TET2: variants seen among roughly 807,000 people sequenced by gnomAD.
TET2 encodes methylcytosine dioxygenase TET2.
TET2 carries 299 observed loss-of-function variants against 142.9 expected under a neutral mutation model. The ratio of observed to expected loss-of-function variants is 2.09; its 90% CI spans 1.90 to 2.30. TET2 has a LOEUF of 2.30. TET2 is among the 30% of genes most tolerant of loss of function. The probability of loss-of-function intolerance (pLI) is 0.00; values close to 1 mark genes in which losing one functional copy is unlikely to be tolerated. For synonymous variants in TET2, 819 were observed against 849.0 expected (o/e 0.96, Z 0.61); for missense variants, 2,418 against 2,378.0 (o/e 1.02, Z -0.35).
intron 1 of TET2, among the ~76,000 whole-genome samples, chr4:105,169,923 TCC>T (rs1481416746): frequency 0.057 from 8,737 of 152,122 alleles, 682 homozygotes; most frequent in African/African-American, 0.17. Flanking sequence ...TGGTTCTCTA[TCC>T]CCCCATTGGT....
chr4:105,212,677 T>C lies in TET2; in HGVS notation c.-46-21220T>C, dbSNP rs187922164. Among the ~76,000 whole-genome samples the C allele has an allele frequency of 1.5e-3, 230 of 152,282 alleles. 1 individual carries two copies. Among genetic ancestry groups the C allele is most frequent in the African/African-American group, 5.4e-3 (223 of 41,560 alleles). ...GATATTAGTCTCTTTTAATTTTCTATTTTTTTCATGATTAAAAAATATTAA... is the reference window on the plus strand; with the variant it reads ...GATATTAGTCTCTTTTAATTTTCTACTTTTTTCATGATTAAAAAATATTAA... On this transcript the variant is annotated intron_variant, in intron 2 of 10. Coordinates refer to ENST00000380013, the MANE Select transcript of TET2 (RefSeq NM_001127208.3).
rs1731169042 is a variant in TET2, at chr4:105,275,527, C to T, written c.5017C>T (p.Pro1673Ser). 1 of 1,551,702 alleles carries T rather than the reference C, an allele frequency of 6.4e-7. No individual in the cohort carries two copies. Among genetic ancestry groups the T allele is most frequent in the Non-Finnish European group, 8.7e-7 (1 of 1,146,984 alleles). ...AGACCCTCTGTCTAAGCTCAGTCTA[C>T]CACCCATCCATACACTTTACCAGCC... Reference protein sequence around the residue: ...SQDPLSKLSLPPIHTLYQPRF... With the variant: ...SQDPLSKLSLSPIHTLYQPRF... Residue 1673 changes from proline (P) to serine (S), a missense_variant, in exon 11 of 11, where the codon CCA (proline) becomes TCA (serine). By Grantham distance (74) the Pro-to-Ser change is moderately conservative. Coordinates refer to ENST00000380013, the MANE Select transcript of TET2 (RefSeq NM_001127208.3).
Position 105,276,223 on chromosome 4 carries a change from A to T in TET2, c.5713A>T (p.Lys1905Ter). 6.4e-7 allele frequency: 1 copy of T among 1,551,660 alleles called. No individual in the cohort carries two copies. Among genetic ancestry groups the T allele is most frequent in the Non-Finnish European group, 8.7e-7 (1 of 1,146,972 alleles). ...TRISLVFYQH[K>*]SMNEPKHGLA... Reference sequence around the variant, plus strand: ...GATCTCCCTCGTCTTTTACCAGCATAAGAGCATGAATGAGCCAAAACATGG... The same window carrying T: ...GATCTCCCTCGTCTTTTACCAGCATTAGAGCATGAATGAGCCAAAACATGG... The change falls in exon 11 of 11, where the codon AAG becomes TAG. Residue 1905 changes from lysine to a stop codon, truncating the protein, a stop_gained. Coordinates refer to ENST00000380013, the MANE Select transcript of TET2 (RefSeq NM_001127208.3). LOFTEE classifies it high-confidence loss of function.
At chr4:105,238,033 TTACAATAA>T (rs2110240312) in intron 3 of TET2, 1 of 625,540 alleles carries the variant, frequency 1.6e-6, no homozygotes, top group East Asian at 6.8e-5. Flanking sequence ...AAAATGAATA[TTACAATAA>T]AGCAAGTTGT....
At chr4:105,184,668 A>G (rs1183120247) in intron 1 of TET2, among the ~76,000 whole-genome samples, 1 of 152,164 alleles carries the variant, frequency 6.6e-6, no homozygotes, top group Non-Finnish European at 1.5e-5. Context: ...GACATTCTGA[A>G]ATAGCACTTC....
intron 2 of TET2, among the ~76,000 whole-genome samples, chr4:105,191,649 T>G (rs564352113): frequency 6.6e-6 from 1 of 152,264 alleles, no homozygotes; most frequent in East Asian, 1.9e-4. Flanking sequence ...CCTGAGGATA[T>G]AAGTATCCAC....
chr4:105,216,243 G>A (rs1007644088), intron 2 of TET2, among the ~76,000 whole-genome samples: 17 of 152,108 alleles, frequency 1.1e-4, no homozygotes, highest in African/African-American at 4.1e-4. Flanking sequence ...CAAAAGGAAT[G>A]TTTTATACAT....
chr4:105,236,488 C>CATGT lies in TET2; in HGVS notation c.2547_2548insTGTA (p.His850CysfsTer4). On this transcript the variant is annotated frameshift_variant, in exon 3 of 11. Coordinates refer to ENST00000380013, the MANE Select transcript of TET2 (RefSeq NM_001127208.3). LOFTEE classifies it high-confidence loss of function. Reference sequence around the variant, plus strand: ...GTTTCAGAGAATAAAGAACAGACTACACATCCTGAACTTTTTGCAGGAAAC... The same window carrying CATGT: ...GTTTCAGAGAATAAAGAACAGACTACATGTACATCCTGAACTTTTTGCAGGAAAC... The CATGT allele has an allele frequency of 6.2e-7, 1 of 1,614,130 alleles. No individual in the cohort carries two copies. Among genetic ancestry groups the CATGT allele is most frequent in the Non-Finnish European group, 8.5e-7 (1 of 1,180,004 alleles).
intron 1 of TET2, among the ~76,000 whole-genome samples, chr4:105,182,113 C>G (rs1034518391): frequency 1.3e-5 from 2 of 152,174 alleles, no homozygotes; most frequent in Non-Finnish European, 2.9e-5. Flanking sequence ...TTAATAGTTA[C>G]ATTTTTTTCC....
intron 1 of TET2, among the ~76,000 whole-genome samples, chr4:105,163,792 G>A (rs1428318562): frequency 3.4e-5 from 5 of 144,978 alleles, no homozygotes; most frequent in African/African-American, 1.3e-4. Flanking sequence ...CTGGTGTTTG[G>A]AGCTCGAAAG....
In TET2 at chr4:105,259,507, GTTAGA is replaced by G. The variant is rs1578716152; in HGVS notation, c.3804-106_3804-102del. 3.5e-5 allele frequency: 36 copies of G among 1,042,696 alleles called. No homozygotes were observed. In the Middle Eastern group the frequency reaches 1.1e-3, roughly 31 times the overall value. The allele number at this position is 1,042,696 out of a possible 1,614,324, so 64.6% of individuals were successfully genotyped here. ...TGGTTATGCCACAGCTTAATACAGA[GTTAGA>G]TTAGACTTCTTTTCAAACTCATTTT... is the stretch of plus-strand genomic sequence containing the variant. On this transcript the variant is annotated intron_variant, in intron 6 of 10. Coordinates refer to ENST00000380013, the MANE Select transcript of TET2 (RefSeq NM_001127208.3).
At chr4:105,224,907 C>G (rs1728091355) in intron 2 of TET2, among the ~76,000 whole-genome samples, 1 of 151,380 alleles carries the variant, frequency 6.6e-6, no homozygotes, top group Admixed American at 6.6e-5. Context: ...CCTTGGAAGC[C>G]CATGCATTAC....
intron 1 of TET2, among the ~76,000 whole-genome samples, chr4:105,153,905 C>T (rs891437453): frequency 6.6e-6 from 1 of 152,054 alleles, no homozygotes; most frequent in Non-Finnish European, 1.5e-5. Context: ...TGGAAACAAC[C>T]CAGATGTCTA....
chr4:105,184,853 G>A (rs1211536196), intron 1 of TET2, among the ~76,000 whole-genome samples: 12 of 152,076 alleles, frequency 7.9e-5, no homozygotes, highest in Non-Finnish European at 1.5e-4. Context: ...ATTTAAACCT[G>A]GAGGAGAACC....
At chr4:105,215,732 A>G (rs1395288906) in intron 2 of TET2, among the ~76,000 whole-genome samples, 1 of 152,132 alleles carries the variant, frequency 6.6e-6, no homozygotes, top group Non-Finnish European at 1.5e-5. Flanking sequence ...CAGTGATTTT[A>G]CCATCTCTTC....
chr4:105,167,821 T>TA (rs1305992961), intron 1 of TET2, among the ~76,000 whole-genome samples: 1 of 152,176 alleles, frequency 6.6e-6, no homozygotes, highest in Admixed American at 6.5e-5. Context: ...GAAAAGGAGA[T>TA]AAAACTTAAA....
Position 105,168,573 on chromosome 4 carries a change from T to C in TET2, c.-193+21594T>C, listed in dbSNP as rs146718669. On this transcript the variant is annotated intron_variant, in intron 1 of 10. Transcript: ENST00000380013. ...ATTGACCTTGCTTTATTTTCTCTCT[T>C]TTTTTTTAAAATTTTATTTTTTTAT... Among the ~76,000 whole-genome samples the C allele has an allele frequency of 1.1e-3, 171 of 152,006 alleles. 1 individual carries two copies. Among genetic ancestry groups the C allele is most frequent in the African/African-American group, 3.6e-3 (150 of 41,440 alleles).
intron 3 of TET2, chr4:105,238,692 C>T (rs543132023): frequency 2.7e-4 from 65 of 242,030 alleles, no homozygotes; most frequent in Non-Finnish European, 1.6e-4. Context: ...GACCTCTCCA[C>T]GGAAGTCTTG....
At position 105,259,656 on chromosome 4, in the gene TET2, T is replaced by A; in HGVS notation, c.3841T>A (p.Cys1281Ser). Residue 1281 changes from cysteine (C) to serine (S), a missense_variant, in exon 7 of 11, where the codon TGT (cysteine) becomes AGT (serine). By Grantham distance (112) the Cys-to-Ser change is moderately radical. Coordinates refer to ENST00000380013, the MANE Select transcript of TET2 (RefSeq NM_001127208.3). ...CTGTCAGGGGCTGGATCCAGAAACC[T>A]GTGGTGCCTCCTTCTCTTTTGGTTG... ...CACQGLDPET[C>S]GASFSFGCSW... The A allele has an allele frequency of 1.3e-6, 2 of 1,551,146 alleles. No individual in the cohort carries two copies. Among genetic ancestry groups the A allele is most frequent in the Non-Finnish European group, 1.7e-6 (2 of 1,146,540 alleles).
Sources: allele counts gnomAD v4.1 joint callset (sites outside exome capture counted in the v4.1 genomes callset), GRCh38; gene constraint gnomAD v4.1.1; transcripts MANE v1.5; gene names NCBI Gene and HGNC (gene_info 2026-07-23, HGNC 2026-07-21).